Variants in PPP2R2C observed in about 807,000 individuals in gnomAD.
The protein encoded by PPP2R2C is protein phosphatase 2, regulatory subunit B, gamma.
Under a neutral mutation model 45.3 loss-of-function variants are expected in PPP2R2C, and 10 were observed. That is an observed-to-expected ratio of 0.22 (90% CI 0.14 to 0.37). PPP2R2C has a LOEUF of 0.37. Among genes scored for constraint, PPP2R2C ranks in the 10% least tolerant of loss-of-function variants. The pLI, the probability that PPP2R2C is intolerant of heterozygous loss-of-function variation, is 1.00. For synonymous variants in PPP2R2C, 257 were observed against 245.4 expected, an observed-to-expected ratio of 1.05 and a Z score of -0.44; for missense variants, 308 against 619.7, an observed-to-expected ratio of 0.50 and a Z score of 5.34.
rs373841122 is a variant in PPP2R2C at position 6,546,482 on chromosome 4, GA to G, written c.-58-11106del. ...GTTATCATTCCCACTTAACAGATGA[GA>G]AAAAATCAAGGCTCAGGGATGTGCA... On this transcript the variant is annotated intron_variant, in intron 1 of 9. Transcript: ENST00000506140. Among the ~76,000 whole-genome samples, 716 of 152,248 alleles carry G rather than the reference GA, an allele frequency of 4.7e-3. 1 individual carries two copies. The highest frequency in any genetic ancestry group is 0.017 in the Middle Eastern group (5 of 294).
intron 8 of PPP2R2C, among the ~76,000 whole-genome samples, chr4:6,326,465 C>T (rs1731948164): frequency 6.6e-6 from 1 of 152,156 alleles, no homozygotes; most frequent in Non-Finnish European, 1.5e-5. Flanking sequence ...AGGAGAACTT[C>T]ATGGAGGAGG....
intron 1 of PPP2R2C, among the ~76,000 whole-genome samples, chr4:6,390,168 C>T (rs1400584014): frequency 1.3e-5 from 2 of 152,136 alleles, no homozygotes; most frequent in Non-Finnish European, 2.9e-5. Flanking sequence ...TGCTTAGGAC[C>T]ACCTTAGGTC....
At chr4:6,480,687 C>T (rs894801935) in intron 2 of PPP2R2C, among the ~76,000 whole-genome samples, 3 of 152,128 alleles carry the variant, frequency 2.0e-5, no homozygotes, top group Admixed American at 6.5e-5. Flanking sequence ...AGGTGGAGGG[C>T]GAGACCACTG....
chr4:6,472,413 T>C lies in PPP2R2C; in HGVS notation c.-184A>G, dbSNP rs1455065175. 3.0e-6 allele frequency: 2 copies of C among 665,472 alleles called. No homozygotes were observed. The highest frequency in any genetic ancestry group is 3.7e-6 in the Non-Finnish European group (2 of 541,302). The allele number at this position is 665,472 out of a possible 1,614,324, so 41.2% of individuals were successfully genotyped here. ...GGGCGGCCGGGGGCGGGCGCCGCGG[T>C]CAAGCGAGCGCGCGGTGGGCGGGCG... On this transcript the variant is annotated 5_prime_UTR_variant, in exon 1 of 9. It removes the in-frame stop codon of an upstream open reading frame in the 5' UTR. Transcript: ENST00000382599.
intron 2 of PPP2R2C, among the ~76,000 whole-genome samples, chr4:6,522,329 G>A (rs1724053011): frequency 6.6e-6 from 1 of 152,238 alleles, no homozygotes; most frequent in Non-Finnish European, 1.5e-5. Flanking sequence ...CCCCAGCCGT[G>A]CTGGGAGCAC....
intron 2 of PPP2R2C, among the ~76,000 whole-genome samples, chr4:6,508,222 T>G (rs1184947848): frequency 6.6e-6 from 1 of 152,206 alleles, no homozygotes; most frequent in African/African-American, 2.4e-5. Flanking sequence ...CAGGCGGTTA[T>G]TAAACGGTCT....
At chr4:6,545,000 T>C (rs1477307921) in intron 1 of PPP2R2C, among the ~76,000 whole-genome samples, 1 of 152,172 alleles carries the variant, frequency 6.6e-6, no homozygotes, top group African/African-American at 2.4e-5. Flanking sequence ...AGAGTGTAAA[T>C]GCAGTGTCAG....
At chr4:6,413,939 T>C (rs926983016) in intron 1 of PPP2R2C, 4 of 1,536,152 alleles carry the variant, frequency 2.6e-6, no homozygotes, top group Non-Finnish European at 3.5e-6. Context: ...TTCGTTATAC[T>C]CAATCAGAAT....
upstream of PPP2R2C, among the ~76,000 whole-genome samples, chr4:6,472,923 C>T (rs1721994219): frequency 6.6e-6 from 1 of 152,072 alleles, no homozygotes; most frequent in South Asian, 2.1e-4. Flanking sequence ...AGGAGAGCAG[C>T]CTCGCAGGCA....
At chr4:6,400,883 C>T (rs1232443264) in intron 1 of PPP2R2C, among the ~76,000 whole-genome samples, 1 of 152,204 alleles carries the variant, frequency 6.6e-6, no homozygotes, top group Non-Finnish European at 1.5e-5. Context: ...CTCGCTTCCG[C>T]TCATGCAGTC....
chr4:6,413,695 CCT>C (rs1315711009), intron 1 of PPP2R2C, among the ~76,000 whole-genome samples: 6 of 152,208 alleles, frequency 3.9e-5, no homozygotes, highest in African/African-American at 1.4e-4. Flanking sequence ...CCACATATCC[CCT>C]GAGGGCCAGG....
intron 6 of PPP2R2C, among the ~76,000 whole-genome samples, chr4:6,335,877 C>A (rs1242092420): frequency 1.3e-5 from 2 of 152,072 alleles, no homozygotes; most frequent in African/African-American, 4.8e-5. Context: ...GAGAGCAAGG[C>A]CTCCAAACAC....
chr4:6,326,865 T>C (rs1397169607), intron 8 of PPP2R2C, among the ~76,000 whole-genome samples: 1 of 152,168 alleles, frequency 6.6e-6, no homozygotes, highest in Admixed American at 6.5e-5. Flanking sequence ...AGCGGCGCTC[T>C]GCGGGCCGGA....
chr4:6,457,533 G>C (rs1054572060), intron 1 of PPP2R2C, among the ~76,000 whole-genome samples: 2 of 151,806 alleles, frequency 1.3e-5, no homozygotes, highest in Non-Finnish European at 2.9e-5. Context: ...CACCATCCTT[G>C]GCTAATTTTT....
At chr4:6,399,253 G>C (rs1458466907) in intron 1 of PPP2R2C, among the ~76,000 whole-genome samples, 1 of 152,186 alleles carries the variant, frequency 6.6e-6, no homozygotes, top group East Asian at 1.9e-4. Flanking sequence ...ATTGTACTTA[G>C]TAAAGCTTTG....
rs71173440 is a variant in PPP2R2C, at chr4:6,414,076, ATGTGTGTGTGTGTGTGTG to A, written c.71-33000_71-32983del. On this transcript the variant is annotated intron_variant, in intron 1 of 8. Transcript: ENST00000382599. ...ACAGTAACATAAGTTTTGCCTGTGT[ATGTGTGTGTGTGTGTGTG>A]TGTGTGTGTGTGTGTGTGTGTGTGT... is the stretch of plus-strand genomic sequence containing the variant. 1.7e-4 allele frequency: 150 copies of A among 882,324 alleles called. 1 individual carries two copies. The highest frequency in any genetic ancestry group is 5.0e-4 in the South Asian group (20 of 40,346). The allele number at this position is 882,324 out of a possible 1,614,324, so 54.7% of individuals were successfully genotyped here.
intron 6 of PPP2R2C, among the ~76,000 whole-genome samples, chr4:6,343,434 G>C (rs1711530408): frequency 6.6e-6 from 1 of 152,148 alleles, no homozygotes; most frequent in African/African-American, 2.4e-5. Flanking sequence ...AAGAAATTAA[G>C]CTGGTTGTTT....
intron 1 of PPP2R2C, among the ~76,000 whole-genome samples, chr4:6,399,518 T>G (rs912905417): frequency 8.5e-5 from 13 of 152,226 alleles, no homozygotes; most frequent in Non-Finnish European, 1.8e-4. Context: ...AGCTTTGGCA[T>G]GAGAAATGAG....
At chr4:6,521,568 G>A (rs577059761) in intron 2 of PPP2R2C, among the ~76,000 whole-genome samples, 48 of 152,146 alleles carry the variant, frequency 3.2e-4, no homozygotes, top group Non-Finnish European at 5.7e-4. Context: ...CCCTGCGTAT[G>A]CACTTCTTAG....
Sources: gnomAD v4.1 joint callset for allele counts (sites outside exome capture counted in the v4.1 genomes callset) on GRCh38, gnomAD v4.1.1 for gene constraint, MANE v1.5 for transcripts, NCBI Gene and HGNC (gene_info 2026-07-23, HGNC 2026-07-21) for gene names.